The following MSRB2 variants were observed in gnomAD, a reference collection of about 807,000 sequenced individuals.
MSRB2 encodes methionine-R-sulfoxide reductase B2, mitochondrial.
In MSRB2, 17 loss-of-function variants were observed where a neutral mutation model predicts 19.0. That is an observed-to-expected ratio of 0.89 (90% confidence interval 0.61 to 1.34). The LOEUF is 1.34. MSRB2 is among the 40% of genes most tolerant of loss of function. The pLI is 0.00. For missense variants in MSRB2, 208 were observed against 237.6 expected (o/e 0.88, Z 0.82); for synonymous variants, 107 against 99.7 (o/e 1.07, Z -0.44).
chr10:23,110,502 CT>C (rs1347068856), intron 3 of MSRB2, among the ~76,000 whole-genome samples, 184 bp downstream of exon 3: 1 of 151,932 alleles, frequency 6.6e-6, no homozygotes, highest in Non-Finnish European at 1.5e-5. Context: ...CCTGTCTTGA[CT>C]TTTTTTTCTA....
At chr10:23,110,347 G>A in intron 3 of MSRB2, 29 bp downstream of exon 3, 3 of 1,580,962 alleles carry the variant, frequency 1.9e-6, no homozygotes, top group Non-Finnish European at 2.6e-6. Context: ...AGCCACGGAA[G>A]GAGACCAAAC....
chr10:23,095,866 C>T (rs971892698), intron 1 of MSRB2, 140 bp downstream of exon 1: 7 of 463,658 alleles, frequency 1.5e-5, no homozygotes, highest in Admixed American at 9.2e-5. Context: ...CCTCCCCCCC[C>T]CCAGCCCGAG....
At chr10:23,100,867 A>G (rs1461629222) in intron 1 of MSRB2, among the ~76,000 whole-genome samples, 1 of 152,180 alleles carries the variant, frequency 6.6e-6, no homozygotes, top group African/African-American at 2.4e-5. Context: ...AGGTATTAGT[A>G]AGTGTGATGG....
chr10:23,110,392 C>A (rs1840037509), intron 3 of MSRB2, 74 bp downstream of exon 3: 1 of 1,241,418 alleles, frequency 8.1e-7, no homozygotes, highest in Non-Finnish European at 1.2e-6. Flanking sequence ...CATTTGAGAT[C>A]TTGGATAAAT....
intron 2 of MSRB2, among the ~76,000 whole-genome samples, chr10:23,107,446 C>G (rs1839996506): frequency 6.6e-6 from 1 of 152,228 alleles, no homozygotes; most frequent in African/African-American, 2.4e-5. Context: ...TCAATTAACT[C>G]TTACTCTTCA....
At chr10:23,108,820 G>T (rs1840012710) in intron 2 of MSRB2, among the ~76,000 whole-genome samples, 1 of 152,176 alleles carries the variant, frequency 6.6e-6, no homozygotes, top group African/African-American at 2.4e-5. Flanking sequence ...AGTGTTGGAA[G>T]CAGGCATTTG....
At chr10:23,099,834 C>A (rs1839907609) in intron 1 of MSRB2, among the ~76,000 whole-genome samples, 1 of 152,168 alleles carries the variant, frequency 6.6e-6, no homozygotes, top group Admixed American at 6.5e-5. Context: ...AGCTGGGAAC[C>A]CAGACCAACT....
intron 3 of MSRB2, among the ~76,000 whole-genome samples, chr10:23,114,461 A>T (rs1459073830): frequency 6.6e-6 from 1 of 152,178 alleles, no homozygotes; most frequent in African/African-American, 2.4e-5. Context: ...AGTACTTTGC[A>T]AACAATCCTC....
chr10:23,097,601 G>T (rs1333148244), intron 1 of MSRB2, among the ~76,000 whole-genome samples: 1 of 152,228 alleles, frequency 6.6e-6, no homozygotes, highest in Non-Finnish European at 1.5e-5. Context: ...TAGCATATGG[G>T]AGTGGGGAGA....
In MSRB2 at chr10:23,104,156, C is replaced by T. The variant is rs201559207; in HGVS notation, c.131C>T (p.Thr44Met). 1.1e-4 allele frequency: 180 copies of T among 1,612,972 alleles called. No homozygotes were observed. Among genetic ancestry groups the T allele is most frequent in the Non-Finnish European group, 1.4e-4 (163 of 1,179,584 alleles). The change falls in exon 2 of 5, where the codon ACG becomes ATG. Residue 44 changes from threonine to methionine, a missense_variant. By Grantham distance (81) the Thr-to-Met change is moderately conservative (BLOSUM62 -1). Coordinates refer to ENST00000376510, the MANE Select transcript of MSRB2 (RefSeq NM_012228.4). ...PGLGEAGSLA[T>M]CELPLAKSEW... Reference sequence around the variant, plus strand: ...TTTAACAATACAGGGTCTCTTGCAACGTGTGAGCTGCCTCTTGCCAAGAGT... The same window carrying T: ...TTTAACAATACAGGGTCTCTTGCAATGTGTGAGCTGCCTCTTGCCAAGAGT...
intron 3 of MSRB2, among the ~76,000 whole-genome samples, chr10:23,115,339 A>T (rs1270652123): frequency 1.3e-5 from 2 of 152,208 alleles, no homozygotes; most frequent in African/African-American, 4.8e-5. Context: ...ATATTTCATG[A>T]TCACAAATCT....
intron 1 of MSRB2, among the ~76,000 whole-genome samples, chr10:23,099,656 C>G (rs2131621475): frequency 6.6e-6 from 1 of 152,262 alleles, no homozygotes; most frequent in South Asian, 2.1e-4. Context: ...GCATTCAAGG[C>G]TGTAGTGTAC....
intron 1 of MSRB2, among the ~76,000 whole-genome samples, chr10:23,099,116 T>C (rs1839898742): frequency 6.6e-6 from 1 of 152,184 alleles, no homozygotes; most frequent in Non-Finnish European, 1.5e-5. Flanking sequence ...CTAAATGCAG[T>C]CACATTTTAA....
chr10:23,116,884 A>C (rs1279733970), intron 3 of MSRB2, among the ~76,000 whole-genome samples: 1 of 152,112 alleles, frequency 6.6e-6, no homozygotes, highest in East Asian at 1.9e-4. Context: ...ATAATTTGGT[A>C]TATTATTGCC....
chr10:23,120,519 A>G (rs1433700923), intron 4 of MSRB2, among the ~76,000 whole-genome samples: 1 of 152,218 alleles, frequency 6.6e-6, no homozygotes, highest in African/African-American at 2.4e-5. Flanking sequence ...TTAGATGAGT[A>G]ACTGTAAAGG....
chr10:23,097,163 G>A (rs955056950), intron 1 of MSRB2, among the ~76,000 whole-genome samples: 5 of 152,156 alleles, frequency 3.3e-5, no homozygotes, highest in African/African-American at 1.2e-4. Flanking sequence ...AAATACTTAC[G>A]TAAATCATGA....
At chr10:23,098,373 C>T (rs979399848) in intron 1 of MSRB2, among the ~76,000 whole-genome samples, 60 of 152,154 alleles carry the variant, frequency 3.9e-4, no homozygotes, top group African/African-American at 1.3e-3. Flanking sequence ...AGGCCCACCC[C>T]GTAGAACTTC....
intron 1 of MSRB2, among the ~76,000 whole-genome samples, chr10:23,099,318 A>T (rs1309859195): frequency 6.6e-6 from 1 of 152,206 alleles, no homozygotes; most frequent in Non-Finnish European, 1.5e-5. Flanking sequence ...CCCTTGACTG[A>T]GCCTTCTAGG....
intron 1 of MSRB2, among the ~76,000 whole-genome samples, chr10:23,100,723 T>A (rs183349548): frequency 6.6e-6 from 1 of 152,090 alleles, no homozygotes; most frequent in Non-Finnish European, 1.5e-5. Context: ...CATGATTTAA[T>A]CACCTCCCAC....
Sources: gnomAD v4.1 joint callset for allele counts (sites outside exome capture counted in the v4.1 genomes callset) on GRCh38, gnomAD v4.1.1 for gene constraint, MANE v1.5 for transcripts, NCBI Gene and HGNC (gene_info 2026-07-23, HGNC 2026-07-21) for gene names.